Variants in RGSL1 observed in about 807,000 individuals in gnomAD.
RGSL1 encodes the protein regulator of G protein signaling like 1.
In RGSL1, 97 loss-of-function variants were observed where a neutral mutation model predicts 124.7. The observed-to-expected ratio is 0.78, with a 90% CI of 0.66 to 0.92. The LOEUF is 0.92. RGSL1 is among the 40% of genes least tolerant of loss of function. RGSL1 has a pLI of 0.00. For missense variants in RGSL1, 1,233 were observed against 1,288.4 expected (o/e 0.96, Z 0.66); for synonymous variants, 424 against 438.1 (o/e 0.97, Z 0.40).
At chr1:182,469,102 C>G (rs555599872) in intron 4 of RGSL1, among the ~76,000 whole-genome samples, 14 of 152,140 alleles carry the variant, frequency 9.2e-5, no homozygotes, top group Admixed American at 5.9e-4. Flanking sequence ...ATGTTCACAA[C>G]ATTGGATTTG....
At chr1:182,545,307 T>TCTCAATATTTGGA (rs1447804875) in intron 15 of RGSL1, among the ~76,000 whole-genome samples, 3 of 152,166 alleles carry the variant, frequency 2.0e-5, no homozygotes, top group Non-Finnish European at 4.4e-5. Context: ...CTTTCCATCC[T>TCTCAATATTTGGA]CTCAATATTT....
chr1:182,464,417 A>G (rs568997356), intron 4 of RGSL1, among the ~76,000 whole-genome samples: 1 of 152,296 alleles, frequency 6.6e-6, no homozygotes, highest in South Asian at 2.1e-4. Context: ...CCTTTAGTTA[A>G]GTGGATTAAG....
In RGSL1 at chr1:182,459,999, T is replaced by C. The variant is rs1336109782; in HGVS notation, c.172-5T>C. ...ATTTTTGTTTCTATTTTGCTTTGAC[T>C]CTAGATTGCCAAATACAAAGGGTTA... is the stretch of plus-strand genomic sequence containing the variant. On this transcript the variant is annotated splice_region_variant and splice_polypyrimidine_tract_variant and intron_variant, in intron 3 of 21. Transcript: ENST00000294854. 1 of 1,549,530 alleles carries C rather than the reference T, an allele frequency of 6.5e-7. No homozygotes were observed. Among genetic ancestry groups the C allele is most frequent in the African/African-American group, 1.4e-5 (1 of 72,916 alleles).
intron 2 of RGSL1, 134 bp downstream of exon 2, chr1:182,454,174 C>T (rs1165305940): frequency 3.2e-6 from 2 of 628,124 alleles, no homozygotes; most frequent in Admixed American, 2.9e-5. Flanking sequence ...TAAAAAAACT[C>T]TTTTAATTTG....
intron 6 of RGSL1, among the ~76,000 whole-genome samples, chr1:182,479,952 C>T (rs538257392): frequency 1.3e-4 from 20 of 152,242 alleles, no homozygotes; most frequent in Non-Finnish European, 1.3e-4. Flanking sequence ...TAAATACATA[C>T]GCACCCAACA....
intron 14 of RGSL1, among the ~76,000 whole-genome samples, chr1:182,537,243 GA>G (rs1214583502): frequency 1.3e-5 from 2 of 152,068 alleles, no homozygotes; most frequent in Non-Finnish European, 2.9e-5. Flanking sequence ...AAAATGCAGG[GA>G]GGGGCACAAT....
intron 9 of RGSL1, among the ~76,000 whole-genome samples, chr1:182,509,325 C>CA (rs1207438107): frequency 5.2e-5 from 2 of 38,496 alleles, no homozygotes; most frequent in Non-Finnish European, 7.4e-5. Flanking sequence ...GCTGACCCCC[C>CA]ACCTCCCTCC....
intron 6 of RGSL1, among the ~76,000 whole-genome samples, chr1:182,476,900 C>T (rs1009250090): frequency 2.0e-5 from 3 of 152,152 alleles, no homozygotes; most frequent in Non-Finnish European, 4.4e-5. Context: ...CTCAGGTCTC[C>T]ATTAAAGAGT....
chr1:182,528,928 A>AGATAAT (rs1290560564), intron 11 of RGSL1, among the ~76,000 whole-genome samples: 8 of 152,194 alleles, frequency 5.3e-5, no homozygotes, highest in Non-Finnish European at 1.2e-4. Context: ...GTGGCAAGAG[A>AGATAAT]GATAATGAGT....
At chr1:182,532,478 C>T (rs1021305283) in intron 13 of RGSL1, among the ~76,000 whole-genome samples, 184 bp from the exon 14 acceptor site, 4 of 152,286 alleles carry the variant, frequency 2.6e-5, no homozygotes, top group East Asian at 1.9e-4. Flanking sequence ...TACTTAATTT[C>T]GGGCAGATTG....
intron 17 of RGSL1, chr1:182,549,686 T>G (rs1660441540): frequency 6.6e-6 from 1 of 151,864 alleles, no homozygotes; most frequent in Non-Finnish European, 1.5e-5. Context: ...GTTCCCATCT[T>G]CCACCAAAAA....
chr1:182,450,557 G>A, intron 1 of RGSL1: 1 of 262,056 alleles, frequency 3.8e-6, no homozygotes, highest in Non-Finnish European at 7.6e-6. Flanking sequence ...AAATTATTAG[G>A]AAGTTTGAAG....
intron 4 of RGSL1, chr1:182,471,280 A>C (rs1177346868): frequency 2.2e-6 from 1 of 457,418 alleles, no homozygotes; most frequent in Non-Finnish European, 4.4e-6. Context: ...TTTTCCTGGC[A>C]GCCAAGATGA....
intron 8 of RGSL1, among the ~76,000 whole-genome samples, chr1:182,491,862 C>T (rs994761832): frequency 1.8e-4 from 28 of 152,126 alleles, no homozygotes; most frequent in African/African-American, 5.1e-4. Context: ...ACTTCTCCTC[C>T]GTAGGAAGTA....
chr1:182,541,909 T>TC (rs1659915984), intron 15 of RGSL1, among the ~76,000 whole-genome samples: 1 of 152,168 alleles, frequency 6.6e-6, no homozygotes, highest in South Asian at 2.1e-4. Flanking sequence ...CTTTTGCACT[T>TC]TAAAAAATCA....
At chr1:182,487,909 A>G (rs1424983672) in intron 6 of RGSL1, among the ~76,000 whole-genome samples, 1 of 152,176 alleles carries the variant, frequency 6.6e-6, no homozygotes, top group Non-Finnish European at 1.5e-5. Flanking sequence ...CAAGTGGGAG[A>G]TATGAGTAGA....
intron 6 of RGSL1, among the ~76,000 whole-genome samples, chr1:182,474,940 C>A (rs532920717): frequency 2.6e-5 from 4 of 152,156 alleles, no homozygotes; most frequent in Non-Finnish European, 5.9e-5. Flanking sequence ...ATTCTGAAAT[C>A]ATCCCCCCAG....
chr1:182,539,797 C>A (rs1261906977), intron 14 of RGSL1, among the ~76,000 whole-genome samples: 8 of 152,138 alleles, frequency 5.3e-5, no homozygotes, highest in Admixed American at 5.2e-4. Context: ...AGCTTTCTAC[C>A]CTCAGTTTCC....
intron 13 of RGSL1, among the ~76,000 whole-genome samples, chr1:182,531,986 G>A (rs1659205806): frequency 6.6e-6 from 1 of 152,144 alleles, no homozygotes; most frequent in East Asian, 1.9e-4. Flanking sequence ...CCTAAATTCA[G>A]TGCTTTTTGT....
Sources: gnomAD v4.1 joint callset for allele counts (sites outside exome capture counted in the v4.1 genomes callset) on GRCh38, gnomAD v4.1.1 for gene constraint, MANE v1.5 for transcripts, NCBI Gene and HGNC (gene_info 2026-07-23, HGNC 2026-07-21) for gene names.